The following SPAG17 variants were observed in gnomAD, a reference collection of about 807,000 sequenced individuals.
The protein encoded by SPAG17 is sperm-associated antigen 17.
In SPAG17, 169 loss-of-function variants were observed where a neutral mutation model predicts 273.6. The observed-to-expected ratio is 0.62, with a 90% CI of 0.55 to 0.70. The LOEUF (loss-of-function observed/expected upper bound fraction) is 0.70, where lower values mean the gene tolerates loss of function less well. Among genes scored for constraint, SPAG17 ranks in the 30% least tolerant of loss-of-function variants. SPAG17 has a pLI of 0.00. For missense variants in SPAG17, 2,557 were observed against 2,627.8 expected (o/e 0.97, Z 0.59); for synonymous variants, 825 against 873.2 (o/e 0.94, Z 0.97).
chr1:118,010,171 G>A (rs551890308), intron 30 of SPAG17, among the ~76,000 whole-genome samples: 2 of 152,126 alleles, frequency 1.3e-5, no homozygotes, highest in Non-Finnish European at 2.9e-5. Context: ...GTATAACATG[G>A]TGACTATAGT....
At chr1:118,037,617 C>A (rs1248313669) in intron 23 of SPAG17, among the ~76,000 whole-genome samples, 1 of 152,086 alleles carries the variant, frequency 6.6e-6, no homozygotes, top group African/African-American at 2.4e-5. Context: ...TTTTCTGTTC[C>A]TGTGTTAGTT....
At chr1:118,179,593 G>A (rs2102408401) in intron 1 of SPAG17, among the ~76,000 whole-genome samples, 1 of 151,732 alleles carries the variant, frequency 6.6e-6, no homozygotes, top group African/African-American at 2.4e-5. Flanking sequence ...TAGAGAAGTG[G>A]GATCATATCA....
chr1:117,967,288 C>T (rs766264790), intron 46 of SPAG17, among the ~76,000 whole-genome samples: 9 of 131,896 alleles, frequency 6.8e-5, no homozygotes, highest in Non-Finnish European at 1.3e-4. Flanking sequence ...CAGGGCAAAA[C>T]TCCATCTCAA....
chr1:118,139,647 C>G (rs1658557421), intron 3 of SPAG17, among the ~76,000 whole-genome samples: 2 of 152,130 alleles, frequency 1.3e-5, no homozygotes, highest in African/African-American at 4.8e-5. Context: ...AAGAAGGAAA[C>G]TCTCATTTGT....
intron 17 of SPAG17, among the ~76,000 whole-genome samples, chr1:118,072,388 A>C (rs1653685325): frequency 6.6e-6 from 1 of 152,192 alleles, no homozygotes; most frequent in East Asian, 1.9e-4. Flanking sequence ...CAGGTATCTA[A>C]CTGGAAAGGA....
intron 20 of SPAG17, among the ~76,000 whole-genome samples, chr1:118,043,448 A>C (rs1650002002): frequency 6.6e-6 from 1 of 152,244 alleles, no homozygotes; most frequent in African/African-American, 2.4e-5. Context: ...AATTAAGCAA[A>C]ATATTAAAAA....
intron 3 of SPAG17, among the ~76,000 whole-genome samples, chr1:118,137,487 C>T (rs1297077903): frequency 6.6e-6 from 1 of 152,128 alleles, no homozygotes; most frequent in Non-Finnish European, 1.5e-5. Flanking sequence ...GGTATGAGCA[C>T]TGTGATCCAA....
intron 1 of SPAG17, among the ~76,000 whole-genome samples, chr1:118,182,581 T>G (rs1407722769): frequency 6.6e-6 from 1 of 152,224 alleles, no homozygotes; most frequent in East Asian, 1.9e-4. Flanking sequence ...AAGTTAAATA[T>G]TTTGGTATAT....
intron 43 of SPAG17, among the ~76,000 whole-genome samples, chr1:117,977,788 G>A (rs1345386505): frequency 2.0e-5 from 3 of 152,130 alleles, no homozygotes; most frequent in African/African-American, 7.2e-5. Flanking sequence ...TGTGCCATCA[G>A]ACTGTATTAG....
At chr1:118,047,362 G>A (rs1650477392) in intron 20 of SPAG17, among the ~76,000 whole-genome samples, 1 of 152,146 alleles carries the variant, frequency 6.6e-6, no homozygotes, top group South Asian at 2.1e-4. Context: ...AATGTAGCTT[G>A]GAATTAAGAA....
chr1:118,101,347 A>AT (rs1656053637), intron 5 of SPAG17, among the ~76,000 whole-genome samples: 1 of 152,152 alleles, frequency 6.6e-6, no homozygotes, highest in South Asian at 2.1e-4. Flanking sequence ...TGAGCCTGGG[A>AT]TTTTGAAGCT....
chr1:118,165,067 T>G (rs1660099841), intron 1 of SPAG17, among the ~76,000 whole-genome samples: 2 of 152,238 alleles, frequency 1.3e-5, no homozygotes, highest in African/African-American at 4.8e-5. Flanking sequence ...AACAGTGTCC[T>G]CTGCCTGCCT....
intron 1 of SPAG17, among the ~76,000 whole-genome samples, chr1:118,173,847 G>A (rs1345807085): frequency 4.7e-5 from 6 of 126,884 alleles, no homozygotes; most frequent in Non-Finnish European, 9.7e-5. Flanking sequence ...GTGACAGAGC[G>A]AGACCCTGTC....
At chr1:118,085,297 G>A (rs1448244331) in intron 13 of SPAG17, among the ~76,000 whole-genome samples, 1 of 152,172 alleles carries the variant, frequency 6.6e-6, no homozygotes, top group East Asian at 1.9e-4. Flanking sequence ...TTGATTGTGG[G>A]TGGCTGCAAC....
intron 46 of SPAG17, among the ~76,000 whole-genome samples, chr1:117,968,290 G>A (rs376105236): frequency 5.2e-4 from 79 of 152,278 alleles, no homozygotes; most frequent in African/African-American, 6.5e-4. Context: ...CAAAGACTAC[G>A]TGCTGGGTTT....
At chr1:118,115,547 G>T in intron 3 of SPAG17, 106 bp from the exon 4 acceptor site, 1 of 1,165,048 alleles carries the variant, frequency 8.6e-7, no homozygotes, top group African/African-American at 1.6e-5. Flanking sequence ...TGTCATACTG[G>T]AAAGATACTT....
At chr1:118,034,052 A>C (rs1648788839) in intron 24 of SPAG17, among the ~76,000 whole-genome samples, 1 of 152,186 alleles carries the variant, frequency 6.6e-6, no homozygotes, top group African/African-American at 2.4e-5. Flanking sequence ...TGACCCACAG[A>C]AAGTACAGTA....
chr1:118,005,281 C>T, intron 32 of SPAG17, 133 bp downstream of exon 32: 1 of 665,500 alleles, frequency 1.5e-6, no homozygotes, highest in Non-Finnish European at 2.4e-6. Context: ...TACTGCTTGC[C>T]CAAAGTATTG....
intron 3 of SPAG17, among the ~76,000 whole-genome samples, chr1:118,116,089 T>A (rs1385886816): frequency 6.6e-6 from 1 of 152,170 alleles, no homozygotes; most frequent in Non-Finnish European, 1.5e-5. Context: ...ATTGTCCAGA[T>A]GTGTGGCACT....
Sources: gnomAD v4.1 joint callset for allele counts (sites outside exome capture counted in the v4.1 genomes callset) on GRCh38, gnomAD v4.1.1 for gene constraint, MANE v1.5 for transcripts, NCBI Gene and HGNC (gene_info 2026-07-23, HGNC 2026-07-21) for gene names.